The following HMGCLL1 variants were observed in gnomAD, a reference collection of about 807,000 sequenced individuals.
HMGCLL1 encodes the protein 3-hydroxy-3-methylglutaryl-CoA lyase like 1.
Under a neutral mutation model 39.1 loss-of-function variants are expected in HMGCLL1, and 36 were observed. The observed-to-expected ratio is 0.92, with a 90% confidence interval of 0.71 to 1.22. The LOEUF (loss-of-function observed/expected upper bound fraction) is 1.22. Ranked by LOEUF, HMGCLL1 falls within the 50% of genes most tolerant of loss-of-function variation. HMGCLL1 has a pLI of 0.00. For missense variants in HMGCLL1, 451 were observed against 416.5 expected (o/e 1.08, Z -0.72); for synonymous variants, 149 against 144.0 (o/e 1.03, Z -0.25).
chr6:55,434,945 T>C lies in HMGCLL1; in HGVS notation c.*717A>G, dbSNP rs1192345357. 1 of 152,284 alleles carries C rather than the reference T, an allele frequency of 6.6e-6. No homozygotes were observed. The allele number at this position is 152,284 out of a possible 1,614,324, so 9.4% of individuals were successfully genotyped here. A position where few individuals can be genotyped will look rare whatever the true frequency, so the allele number is the denominator to read the frequency against. On this transcript the variant is annotated 3_prime_UTR_variant, in exon 9 of 9. Coordinates refer to ENST00000274901, the MANE Select transcript of HMGCLL1 (RefSeq NM_001042406.2). ...AAAATAGCTTACAATTTCTCAATAG[T>C]TGAGTAACACCATGCTGGTTTTTAC...
At chr6:55,634,410 G>C in the HMGCLL1 span, among the ~76,000 whole-genome samples, 5 of 152,016 alleles carry the variant, frequency 3.3e-5, no homozygotes, top group Non-Finnish European at 7.4e-5. Flanking sequence ...GTAAGCTTTT[G>C]CTACTTGACT....
At chr6:55,577,221 T>A in intron 1 of HMGCLL1, 1 of 1,519,622 alleles carries the variant, frequency 6.6e-7, no homozygotes, top group Non-Finnish European at 8.8e-7. Context: ...CTGCTGTGAG[T>A]TCAATTACGA....
the HMGCLL1 span, among the ~76,000 whole-genome samples, chr6:55,588,570 G>T: frequency 6.6e-6 from 1 of 152,014 alleles, no homozygotes; most frequent in Non-Finnish European, 1.5e-5. Context: ...AGAACTGAAG[G>T]AGTTAGAGAC....
intron 1 of HMGCLL1, among the ~76,000 whole-genome samples, chr6:55,546,452 T>C (rs953596625): frequency 6.6e-6 from 1 of 152,166 alleles, no homozygotes; most frequent in Admixed American, 6.6e-5. Flanking sequence ...AATGTTTGAC[T>C]AAATGAATGA....
At chr6:55,450,123 A>G (rs1278530498) in intron 7 of HMGCLL1, among the ~76,000 whole-genome samples, 1 of 152,208 alleles carries the variant, frequency 6.6e-6, no homozygotes, top group Non-Finnish European at 1.5e-5. Context: ...GAAAGAGACA[A>G]GGAGTTCAGG....
chr6:55,533,885 C>CAAAACAAAAAAAAA (rs1768845961), intron 3 of HMGCLL1, among the ~76,000 whole-genome samples: 1 of 71,724 alleles, frequency 1.4e-5, no homozygotes, highest in Non-Finnish European at 2.8e-5. Flanking sequence ...GACTCCGTCT[C>CAAAACAAAAAAAAA]AAAAAAAAAA....
chr6:55,500,575 G>GT (rs1766827214), intron 5 of HMGCLL1, among the ~76,000 whole-genome samples: 1 of 151,864 alleles, frequency 6.6e-6, no homozygotes, highest in African/African-American at 2.4e-5. Context: ...GTATTAAATA[G>GT]TTTTATAAGC....
At chr6:55,587,858 C>G in the HMGCLL1 span, among the ~76,000 whole-genome samples, 2 of 152,096 alleles carry the variant, frequency 1.3e-5, no homozygotes, top group African/African-American at 2.4e-5. Flanking sequence ...AGCTAACTAT[C>G]CTAAATATAT....
rs145984321 is a variant in HMGCLL1 at position 55,462,038 on chromosome 6, A to G, written c.796-22479T>C. Among the ~76,000 whole-genome samples the G allele has an allele frequency of 1.2e-3, 181 of 152,222 alleles. 1 individual carries two copies. The highest frequency in any genetic ancestry group is 3.8e-3 in the African/African-American group (158 of 41,550). ...AAATACAGCAAATCAACACCAAACA[A>G]TCTTTCCAGACCATCAGATATGCCA... On this transcript the variant is annotated intron_variant, in intron 7 of 8. Transcript: ENST00000274901.
the HMGCLL1 span, among the ~76,000 whole-genome samples, chr6:55,651,565 AC>A: frequency 6.6e-6 from 1 of 152,182 alleles, no homozygotes; most frequent in African/African-American, 2.4e-5. Context: ...GGGGAATGGC[AC>A]AAGCATTTCC....
At chr6:55,658,406 C>T in the HMGCLL1 span, among the ~76,000 whole-genome samples, 1 of 151,920 alleles carries the variant, frequency 6.6e-6, no homozygotes, top group Non-Finnish European at 1.5e-5. Context: ...CCTGAAACAA[C>T]ATCCTCCACC....
Position 55,464,009 on chromosome 6 carries a change from C to T in HMGCLL1, c.796-24450G>A, listed in dbSNP as rs190614798. Among the ~76,000 whole-genome samples the T allele has an allele frequency of 2.3e-3, 357 of 152,238 alleles. 2 individuals carry two copies. Among genetic ancestry groups the T allele is most frequent in the East Asian group, 0.013 (67 of 5,174 alleles). ...TGATAATAGCTTGTTTCATTCCTCACTTGTTCATACTCTTTGAATTTTAAA... is the reference window on the plus strand; with the variant it reads ...TGATAATAGCTTGTTTCATTCCTCATTTGTTCATACTCTTTGAATTTTAAA... On this transcript the variant is annotated intron_variant, in intron 7 of 8. Coordinates refer to ENST00000274901, the MANE Select transcript of HMGCLL1 (RefSeq NM_001042406.2).
chr6:55,555,550 A>G (rs562019695), intron 1 of HMGCLL1, among the ~76,000 whole-genome samples: 1 of 152,278 alleles, frequency 6.6e-6, no homozygotes. Flanking sequence ...TTTAGAACCG[A>G]TCCTGTTGTA....
the HMGCLL1 span, among the ~76,000 whole-genome samples, chr6:55,636,040 C>T: frequency 1.3e-5 from 2 of 152,034 alleles, no homozygotes; most frequent in Non-Finnish European, 2.9e-5. Flanking sequence ...CACTCTGAAA[C>T]ACTGAAAATA....
intron 7 of HMGCLL1, among the ~76,000 whole-genome samples, chr6:55,462,965 T>C (rs375446811): frequency 1.3e-5 from 2 of 151,772 alleles, no homozygotes; most frequent in East Asian, 1.9e-4. Context: ...ATATGTAGGG[T>C]CAAAACTCAC....
intron 7 of HMGCLL1, among the ~76,000 whole-genome samples, chr6:55,464,696 C>T (rs1321338967): frequency 6.6e-6 from 1 of 152,164 alleles, no homozygotes; most frequent in Non-Finnish European, 1.5e-5. Context: ...CCCAGGCCTT[C>T]CCCTACCCTC....
chr6:55,486,251 A>C (rs1248582896), intron 7 of HMGCLL1, among the ~76,000 whole-genome samples: 6 of 151,940 alleles, frequency 3.9e-5, no homozygotes, highest in Admixed American at 2.6e-4. Context: ...TTAAAAAATA[A>C]TTTTTTAAAT....
At chr6:55,613,336 A>G in the HMGCLL1 span, among the ~76,000 whole-genome samples, 2 of 152,198 alleles carry the variant, frequency 1.3e-5, no homozygotes, top group East Asian at 1.9e-4. Context: ...GCGTTTTTAC[A>G]TTGTTGGTAG....
the HMGCLL1 span, among the ~76,000 whole-genome samples, chr6:55,624,007 G>T: frequency 6.6e-6 from 1 of 152,160 alleles, no homozygotes; most frequent in South Asian, 2.1e-4. Context: ...CCACAATGAC[G>T]TTTTGGATCC....
Sources: gnomAD v4.1 joint callset for allele counts (sites outside exome capture counted in the v4.1 genomes callset) on GRCh38, gnomAD v4.1.1 for gene constraint, MANE v1.5 for transcripts, NCBI Gene and HGNC (gene_info 2026-07-23, HGNC 2026-07-21) for gene names.